CYTH3: variants seen among roughly 807,000 people sequenced by gnomAD.
CYTH3 encodes the protein cytohesin-3.
Under a neutral mutation model 55.1 loss-of-function variants are expected in CYTH3, and 23 were observed. That is an observed-to-expected ratio of 0.42 (90% confidence interval 0.30 to 0.59). CYTH3 has a LOEUF of 0.59. CYTH3 is among the 20% of genes least tolerant of loss of function. The pLI, the probability that CYTH3 is intolerant of heterozygous loss-of-function variation, is 0.20. For missense variants in CYTH3, 413 were observed against 524.8 expected, an observed-to-expected ratio of 0.79 and a Z score of 2.08; for synonymous variants, 249 against 194.9, an observed-to-expected ratio of 1.28 and a Z score of -2.31.
At chr7:6,187,011 C>T (rs1583760194) in intron 4 of CYTH3, 39 bp downstream of exon 4, 13 of 1,593,670 alleles carry the variant, frequency 8.2e-6, no homozygotes, top group Non-Finnish European at 9.5e-6. Context: ...TCAATTAGTC[C>T]ATCTCCTGCA....
chr7:6,239,283 AGAG>A (rs746191078), intron 1 of CYTH3, among the ~76,000 whole-genome samples: 105 of 150,088 alleles, frequency 7.0e-4, no homozygotes, highest in Admixed American at 4.7e-3. Context: ...GAAGAGAGAA[AGAG>A]AAGAGAAGAC....
At chr7:6,182,137 T>TC (rs772409593) in intron 4 of CYTH3, among the ~76,000 whole-genome samples, 4 of 152,172 alleles carry the variant, frequency 2.6e-5, no homozygotes, top group South Asian at 2.1e-4. Flanking sequence ...AACCTCCACC[T>TC]CCTGGGTTCA....
At chr7:6,194,261 C>CT (rs1440040441) in intron 1 of CYTH3, among the ~76,000 whole-genome samples, 3 of 152,216 alleles carry the variant, frequency 2.0e-5, no homozygotes, top group Non-Finnish European at 4.4e-5. Flanking sequence ...ACAGTTGACT[C>CT]TTTAATACGT....
chr7:6,188,403 C>T (rs908835985), intron 2 of CYTH3, among the ~76,000 whole-genome samples: 45 of 152,068 alleles, frequency 3.0e-4, no homozygotes, highest in South Asian at 8.3e-4. Context: ...CCTCAGTTCG[C>T]TTAACTGCAC....
At chr7:6,259,783 TAATA>T (rs1481467578) in intron 1 of CYTH3, among the ~76,000 whole-genome samples, 1 of 18,856 alleles carries the variant, frequency 5.3e-5, no homozygotes, top group Non-Finnish European at 6.8e-5. Flanking sequence ...TATATATATA[TAATA>T]TATATATATA....
intron 2 of CYTH3, among the ~76,000 whole-genome samples, chr7:6,188,120 A>G (rs1783702399): frequency 6.6e-6 from 1 of 152,138 alleles, no homozygotes; most frequent in Admixed American, 6.5e-5. Flanking sequence ...TGAGATCAGG[A>G]GTTTGAGAAC....
rs983002825 is a variant in CYTH3, at chr7:6,164,761, A to G, written c.*183T>C. 1 of 701,080 alleles carries G rather than the reference A, an allele frequency of 1.4e-6. No homozygotes were observed. Among genetic ancestry groups the G allele is most frequent in the Admixed American group, 2.3e-5 (1 of 43,554 alleles). 43.4% of individuals were successfully genotyped at this position (701,080 alleles called of 1,614,324 possible). On this transcript the variant is annotated 3_prime_UTR_variant, in exon 13 of 13. Coordinates refer to ENST00000350796, the MANE Select transcript of CYTH3 (RefSeq NM_004227.4). Reference sequence around the variant, plus strand: ...CAGCAGCTTGCACTGCAGGGCGACCACCTCCCAGGACCCCAGCCACGGCAC... The same window carrying G: ...CAGCAGCTTGCACTGCAGGGCGACCGCCTCCCAGGACCCCAGCCACGGCAC...
At chr7:6,186,514 G>C (rs1426544964) in intron 4 of CYTH3, among the ~76,000 whole-genome samples, 5 of 152,214 alleles carry the variant, frequency 3.3e-5, no homozygotes, top group African/African-American at 4.8e-5. Flanking sequence ...CTTGAGGAAA[G>C]AGAAAGATGC....
chr7:6,208,884 G>A (rs1784261185), intron 1 of CYTH3, among the ~76,000 whole-genome samples: 1 of 152,166 alleles, frequency 6.6e-6, no homozygotes, highest in Non-Finnish European at 1.5e-5. Context: ...TTCTCCATCA[G>A]AAACACTTGG....
Position 6,272,575 on chromosome 7 carries a change from G to C in CYTH3, c.-68C>G. 10 of 1,136,232 alleles carry C rather than the reference G, an allele frequency of 8.8e-6. No homozygotes were observed. Among genetic ancestry groups the C allele is most frequent in the Non-Finnish European group, 1.1e-5 (10 of 924,644 alleles). The allele number at this position is 1,136,232 out of a possible 1,614,324, so 70.4% of individuals were successfully genotyped here. A position where few individuals can be genotyped will look rare whatever the true frequency, so the allele number is the denominator to read the frequency against. On this transcript the variant is annotated 5_prime_UTR_variant, in exon 1 of 13. Transcript: ENST00000350796. ...AGAGGGGCCGCGGGCTGGGGACGCC[G>C]CCGGAGGGAGCGCGCAGGCGACCGG...
chr7:6,214,664 A>G (rs1784389085), intron 1 of CYTH3, among the ~76,000 whole-genome samples: 2 of 152,326 alleles, frequency 1.3e-5, no homozygotes, highest in South Asian at 4.1e-4. Context: ...CAAACCATAC[A>G]AAACAAAATT....
intron 1 of CYTH3, among the ~76,000 whole-genome samples, chr7:6,267,183 T>C (rs563395305): frequency 6.6e-5 from 10 of 152,226 alleles, no homozygotes; most frequent in Non-Finnish European, 1.5e-4. Context: ...GCCGAGCAGA[T>C]GCTGGCACCA....
intron 1 of CYTH3, among the ~76,000 whole-genome samples, chr7:6,255,759 T>C (rs971592862): frequency 3.1e-5 from 3 of 98,080 alleles, no homozygotes; most frequent in African/African-American, 1.6e-4. Flanking sequence ...CTTTAATCTG[T>C]TTTTTTTTTT....
In CYTH3 at chr7:6,170,498, G is replaced by A. The variant is rs879178328; in HGVS notation, c.823+37C>T. On this transcript the variant is annotated intron_variant, in intron 9 of 12. Coordinates refer to ENST00000350796, the MANE Select transcript of CYTH3 (RefSeq NM_004227.4). The surrounding 1 kb of genome is among the most constrained non-coding windows in gnomAD (Gnocchi z 7.8). ...CCGAGGGGCTGCTGCCATGGGCAGA[G>A]GGGTCACGCCCGGGTCCCGCTGGGC... 5 of 1,587,830 alleles carry A rather than the reference G, an allele frequency of 3.1e-6. No homozygotes were observed. The South Asian group carries it at 3.3e-5, about 11-fold the overall frequency.
intron 1 of CYTH3, among the ~76,000 whole-genome samples, chr7:6,266,647 G>A (rs1167623126): frequency 1.3e-5 from 2 of 152,032 alleles, no homozygotes; most frequent in East Asian, 1.9e-4. Flanking sequence ...CCTTCTGTCT[G>A]GTCCACTACC....
intron 1 of CYTH3, among the ~76,000 whole-genome samples, chr7:6,226,830 T>TA (rs1562398337): frequency 6.6e-6 from 1 of 151,922 alleles, no homozygotes; most frequent in Non-Finnish European, 1.5e-5. Context: ...CCTGTAATCC[T>TA]AGCACTTTGG....
chr7:6,194,806 C>T (rs1331998076), intron 1 of CYTH3, among the ~76,000 whole-genome samples: 1 of 152,080 alleles, frequency 6.6e-6, no homozygotes, highest in Non-Finnish European at 1.5e-5. Flanking sequence ...GAAACCGCAT[C>T]TCTACTAAAA....
At chr7:6,260,392 G>T (rs867908543) in intron 1 of CYTH3, among the ~76,000 whole-genome samples, 1 of 152,146 alleles carries the variant, frequency 6.6e-6, no homozygotes. Context: ...TCCTTGAGAA[G>T]TATTTCACTG....
intron 1 of CYTH3, among the ~76,000 whole-genome samples, chr7:6,210,233 G>C (rs1328135104): frequency 6.6e-6 from 1 of 152,142 alleles, no homozygotes; most frequent in African/African-American, 2.4e-5. Context: ...TATACTGTCA[G>C]CTCGATTTTT....
Sources: gnomAD v4.1 joint callset for allele counts (sites outside exome capture counted in the v4.1 genomes callset) on GRCh38, gnomAD v4.1.1 for gene constraint, Gnocchi (gnomAD v3.1) non-coding constraint, MANE v1.5 for transcripts, NCBI Gene and HGNC (gene_info 2026-07-23, HGNC 2026-07-21) for gene names.